The following CRB1 variants were observed in gnomAD, a reference collection of about 807,000 sequenced individuals.
The protein encoded by CRB1 is protein crumbs homolog 1.
In CRB1, 83 loss-of-function variants were observed where a neutral mutation model predicts 120.0. The observed-to-expected ratio is 0.69, with a 90% CI of 0.58 to 0.83. The LOEUF (loss-of-function observed/expected upper bound fraction) is 0.83, where lower values mean the gene tolerates loss of function less well. Among genes scored for constraint, CRB1 ranks in the 40% least tolerant of loss-of-function variants. CRB1 has a pLI of 0.00. For synonymous variants in CRB1, 625 were observed against 612.5 expected, an observed-to-expected ratio of 1.02 and a Z score of -0.30; for missense variants, 1,699 against 1,687.6, an observed-to-expected ratio of 1.01 and a Z score of -0.12.
chr1:197,291,807 A>G (rs1298426162), intron 1 of CRB1, among the ~76,000 whole-genome samples: 2 of 151,956 alleles, frequency 1.3e-5, no homozygotes, highest in East Asian at 1.9e-4. Context: ...GTTTCATTCC[A>G]TAATGCTCTT....
intron 1 of CRB1, among the ~76,000 whole-genome samples, chr1:197,314,867 A>G (rs1657752292): frequency 6.6e-6 from 1 of 152,146 alleles, no homozygotes; most frequent in Non-Finnish European, 1.5e-5. Flanking sequence ...TCAGCAGATG[A>G]TATCTGCTAG....
In CRB1 at chr1:197,306,998, TTA is replaced by T. The variant is rs1657213624; in HGVS notation, c.71-21422_71-21421del. Among the ~76,000 whole-genome samples the T allele has an allele frequency of 2.0e-5, 3 of 152,308 alleles. No individual in the cohort carries two copies. The South Asian group carries it at 6.2e-4, about 32-fold the overall frequency. ...TTCCCTCTTATAGTAAAAACAAATGTTATGTCTGAAAATTTAGATATTTTTAC... is the reference window on the plus strand; with the variant it reads ...TTCCCTCTTATAGTAAAAACAAATGTTGTCTGAAAATTTAGATATTTTTAC... On this transcript the variant is annotated intron_variant, in intron 1 of 11. Transcript: ENST00000367400.
chr1:197,433,352 G>A (rs1295072259), intron 8 of CRB1, among the ~76,000 whole-genome samples: 8 of 152,140 alleles, frequency 5.3e-5, no homozygotes, highest in Non-Finnish European at 1.2e-4. Context: ...GTGGTTGGGT[G>A]TAGTGCCTGA....
At chr1:197,476,397 T>TGC (rs138578688) in intron 11 of CRB1, among the ~76,000 whole-genome samples, 46,859 of 145,476 alleles carry the variant, frequency 0.32, 9,050 homozygotes, top group East Asian at 0.58. Flanking sequence ...TGTGTGTGTG[T>TGC]GCGCGTCTTC....
chr1:197,246,838 T>G, the CRB1 span, among the ~76,000 whole-genome samples: 1 of 152,174 alleles, frequency 6.6e-6, no homozygotes, highest in South Asian at 2.1e-4. Flanking sequence ...AGAGAGTCTA[T>G]GGTTCACAAA....
At chr1:197,311,570 T>C (rs1235866560) in intron 1 of CRB1, among the ~76,000 whole-genome samples, 1 of 152,212 alleles carries the variant, frequency 6.6e-6, no homozygotes, top group Non-Finnish European at 1.5e-5. Context: ...TCCGGATTTA[T>C]TGATGTACAA....
At position 197,434,792 on chromosome 1, in the gene CRB1, A is replaced by G. The variant is rs1346530439; in HGVS notation, c.2929A>G (p.Thr977Ala). The change falls in exon 9 of 12, where the codon ACA becomes GCA. Residue 977 changes from threonine (T) to alanine (A), a missense_variant. Coordinates refer to ENST00000367400, the MANE Select transcript of CRB1 (RefSeq NM_201253.3). The stretch of plus-strand genomic sequence containing the variant: ...TATTACCAGAGAACTCACCAATATC[A>G]CATTTGGTTTCAGAACAAGGGATGC... ...GNITRELTNI[T>A]FGFRTRDANV... is the part of the protein sequence containing the mutation. 6 of 1,613,562 alleles carry G rather than the reference A, an allele frequency of 3.7e-6. No individual in the cohort carries two copies. Among genetic ancestry groups the G allele is most frequent in the South Asian group, 3.3e-5 (3 of 91,070 alleles).
the CRB1 span, among the ~76,000 whole-genome samples, chr1:197,228,578 A>G: frequency 0.14 from 21,361 of 152,162 alleles, 1,714 homozygotes; most frequent in Middle Eastern, 0.21. Flanking sequence ...GGGCAAAACC[A>G]TTCAACAAGT....
chr1:197,468,267 C>T (rs1273501582), intron 11 of CRB1, among the ~76,000 whole-genome samples: 1 of 151,950 alleles, frequency 6.6e-6, no homozygotes, highest in East Asian at 1.9e-4. Context: ...CTAACACCAC[C>T]CATATGGAAC....
At chr1:197,325,769 C>A (rs1558054605) in intron 1 of CRB1, among the ~76,000 whole-genome samples, 1 of 152,068 alleles carries the variant, frequency 6.6e-6, no homozygotes, top group African/African-American at 2.4e-5. Context: ...TCCCAAATAA[C>A]TTTATATACA....
At chr1:197,454,756 C>G (rs1163741762) in intron 11 of CRB1, among the ~76,000 whole-genome samples, 1 of 152,156 alleles carries the variant, frequency 6.6e-6, no homozygotes, top group East Asian at 1.9e-4. Flanking sequence ...ACTAAAATCT[C>G]CCTAAAATGA....
intron 11 of CRB1, among the ~76,000 whole-genome samples, chr1:197,465,373 G>A (rs1251432311): frequency 6.6e-6 from 1 of 151,980 alleles, no homozygotes; most frequent in African/African-American, 2.4e-5. Flanking sequence ...TCATACATAA[G>A]GTTTAGGGTT....
chr1:197,421,302 G>A lies in CRB1; in HGVS notation c.1474G>A (p.Gly492Ser). ...IATTLSFEGD[G>S]FLWVKSGSVT... ...AACCACACTTTCATTTGAGGGCGAT[G>A]GCTTCCTGTGGGTCAAAAGTGGCTC... Residue 492 changes from glycine (G) to serine (S), a missense_variant, in exon 6 of 12, where the codon GGC becomes AGC. By Grantham distance (56) the Gly-to-Ser change is moderately conservative. Transcript: ENST00000367400. The A allele has an allele frequency of 1.2e-6, 2 of 1,614,228 alleles. No homozygotes were observed. Among genetic ancestry groups the A allele is most frequent in the Admixed American group, 3.3e-5 (2 of 60,034 alleles).
the CRB1 span, among the ~76,000 whole-genome samples, chr1:197,238,345 T>C: frequency 6.6e-6 from 1 of 152,198 alleles, no homozygotes; most frequent in Non-Finnish European, 1.5e-5. Context: ...AATCAATTGA[T>C]ATTTCTATAA....
intron 8 of CRB1, among the ~76,000 whole-genome samples, chr1:197,430,438 C>T (rs1184637339): frequency 6.6e-6 from 1 of 152,158 alleles, no homozygotes; most frequent in Admixed American, 6.5e-5. Flanking sequence ...TTCCTCACTC[C>T]TATTCCTACC....
intron 5 of CRB1, among the ~76,000 whole-genome samples, chr1:197,365,146 T>C (rs538804390): frequency 5.3e-5 from 8 of 152,302 alleles, no homozygotes; most frequent in African/African-American, 1.7e-4. Context: ...CCTTGTGCCA[T>C]TGGGCCTCCC....
chr1:197,303,708 A>G (rs997014239), intron 1 of CRB1, among the ~76,000 whole-genome samples: 1 of 152,190 alleles, frequency 6.6e-6, no homozygotes, highest in Non-Finnish European at 1.5e-5. Flanking sequence ...CTTTCCTTGA[A>G]TCAATCTAAA....
intron 5 of CRB1, among the ~76,000 whole-genome samples, chr1:197,406,446 C>A (rs1207550638): frequency 6.6e-6 from 1 of 152,142 alleles, no homozygotes; most frequent in Non-Finnish European, 1.5e-5. Context: ...TGCGGAGGGC[C>A]GCAGGGTCCT....
intron 11 of CRB1, among the ~76,000 whole-genome samples, chr1:197,457,473 C>A (rs1260517747): frequency 6.6e-6 from 1 of 152,104 alleles, no homozygotes; most frequent in African/African-American, 2.4e-5. Flanking sequence ...ATTAGCTATA[C>A]TGCAAAAGCC....
Sources: allele counts gnomAD v4.1 joint callset (sites outside exome capture counted in the v4.1 genomes callset), GRCh38; gene constraint gnomAD v4.1.1; transcripts MANE v1.5; gene names NCBI Gene and HGNC (gene_info 2026-07-23, HGNC 2026-07-21).